Variants in SAMD12 observed in about 807,000 individuals in gnomAD.
SAMD12 encodes the protein sterile alpha motif domain-containing protein 12.
SAMD12 carries 9 observed loss-of-function variants against 15.0 expected under a neutral mutation model. The observed-to-expected ratio is 0.60, with a 90% confidence interval of 0.36 to 1.05. The LOEUF is 1.05. Among genes scored for constraint, SAMD12 ranks in the 50% least tolerant of loss-of-function variants. SAMD12 has a pLI of 0.01. For missense variants in SAMD12, 230 were observed against 234.2 expected (o/e 0.98, Z 0.12); for synonymous variants, 86 against 90.1 (o/e 0.96, Z 0.25).
intron 4 of SAMD12, among the ~76,000 whole-genome samples, chr8:118,205,063 T>C (rs1471688267): frequency 6.6e-6 from 1 of 152,196 alleles, no homozygotes; most frequent in Non-Finnish European, 1.5e-5. Context: ...CCCTCCCTAA[T>C]ACAAGTGGAC....
intron 2 of SAMD12, among the ~76,000 whole-genome samples, chr8:118,575,586 T>G (rs940632383): frequency 6.6e-6 from 1 of 152,192 alleles, no homozygotes; most frequent in African/African-American, 2.4e-5. Flanking sequence ...TTTTACATCC[T>G]TGGGTTTCTC....
At chr8:118,232,134 G>A (rs553121600) in intron 4 of SAMD12, among the ~76,000 whole-genome samples, 3 of 152,116 alleles carry the variant, frequency 2.0e-5, no homozygotes, top group Non-Finnish European at 2.9e-5. Flanking sequence ...TTACCCCACT[G>A]TTCTACATGA....
chr8:118,245,733 G>T (rs1812674525), intron 4 of SAMD12, among the ~76,000 whole-genome samples: 2 of 152,068 alleles, frequency 1.3e-5, no homozygotes, highest in African/African-American at 4.8e-5. Context: ...ATTCTCTTTT[G>T]ATGTTTCCAT....
At chr8:118,152,386 C>T in the SAMD12 span, among the ~76,000 whole-genome samples, 2 of 151,824 alleles carry the variant, frequency 1.3e-5, no homozygotes, top group Non-Finnish European at 2.9e-5. Flanking sequence ...TTCTTTTTCC[C>T]TTTCTTTCTT....
chr8:118,191,596 G>C (rs1819374037), exon 5 of SAMD12: 1 of 151,084 alleles, frequency 6.6e-6, no homozygotes, highest in South Asian at 2.1e-4. Flanking sequence ...AACCTCTGCA[G>C]CAGCTGGTAT....
chr8:118,425,701 A>G (rs968013070), intron 3 of SAMD12, among the ~76,000 whole-genome samples: 4 of 152,216 alleles, frequency 2.6e-5, no homozygotes, highest in Admixed American at 2.0e-4. Flanking sequence ...ACAGGAGACT[A>G]GAGAACAGAA....
At chr8:118,313,897 A>ATG (rs945830380) in intron 4 of SAMD12, among the ~76,000 whole-genome samples, 12 of 151,106 alleles carry the variant, frequency 7.9e-5, no homozygotes, top group South Asian at 6.3e-4. Context: ...GTGTGTGTGT[A>ATG]TGTGTGTGTG....
chr8:118,212,971 A>C (rs1811871167), intron 4 of SAMD12, among the ~76,000 whole-genome samples: 1 of 152,228 alleles, frequency 6.6e-6, no homozygotes, highest in South Asian at 2.1e-4. Flanking sequence ...GATACCTAAC[A>C]AACCTCAAAT....
At chr8:118,327,465 A>G (rs1816619372) in intron 4 of SAMD12, among the ~76,000 whole-genome samples, 1 of 152,204 alleles carries the variant, frequency 6.6e-6, no homozygotes, top group Non-Finnish European at 1.5e-5. Flanking sequence ...GTGTCAATTA[A>G]ACCATTAGTT....
intron 4 of SAMD12, among the ~76,000 whole-genome samples, chr8:118,318,329 T>TATATATATATATATATAC (rs1816042316): frequency 2.0e-4 from 15 of 76,118 alleles, no homozygotes; most frequent in Non-Finnish European, 3.7e-4. Context: ...TATATATATA[T>TATATATATATATATATAC]ATATATATAT....
chr8:118,416,657 C>A (rs947553518), intron 3 of SAMD12, among the ~76,000 whole-genome samples: 1 of 152,188 alleles, frequency 6.6e-6, no homozygotes, highest in Non-Finnish European at 1.5e-5. Flanking sequence ...GTATTACTCA[C>A]GATAACCAGC....
intron 2 of SAMD12, among the ~76,000 whole-genome samples, chr8:118,557,382 C>T (rs111335811): frequency 3.3e-5 from 5 of 152,314 alleles, no homozygotes; most frequent in African/African-American, 1.2e-4. Flanking sequence ...ATATAAATTA[C>T]TCAGTCTTGG....
chr8:118,547,669 T>C (rs1017711213), intron 2 of SAMD12, among the ~76,000 whole-genome samples: 4 of 152,216 alleles, frequency 2.6e-5, no homozygotes, highest in African/African-American at 7.2e-5. Flanking sequence ...GAGAGCATAC[T>C]GAATCACACT....
chr8:118,483,723 C>T (rs1034896984), intron 2 of SAMD12, among the ~76,000 whole-genome samples: 6 of 152,178 alleles, frequency 3.9e-5, no homozygotes, highest in East Asian at 1.9e-4. Context: ...CAGAAATTCA[C>T]GTTTGAGGAT....
In SAMD12 at chr8:118,621,887, CT is replaced by C; in HGVS notation, c.-72del. The C allele has an allele frequency of 6.6e-7, 1 of 1,522,270 alleles. No individual in the cohort carries two copies. Among genetic ancestry groups the C allele is most frequent in the Non-Finnish European group, 9.1e-7 (1 of 1,096,292 alleles). The allele number at this position is 1,522,270 out of a possible 1,614,324, so 94.3% of individuals were successfully genotyped here. A position where few individuals can be genotyped will look rare whatever the true frequency, so the allele number is the denominator to read the frequency against. Reference sequence around the variant, plus strand: ...TACTCCTCCTGCCCCGCGCTCCCCCCTTCCTCTCGCTTTCGCCTAAATATTC... The same window carrying C: ...TACTCCTCCTGCCCCGCGCTCCCCCCTCCTCTCGCTTTCGCCTAAATATTC... On this transcript the variant is annotated 5_prime_UTR_variant, in exon 1 of 4. Transcript: ENST00000314727.
chr8:118,270,641 G>A (rs1813333459), intron 4 of SAMD12, among the ~76,000 whole-genome samples: 2 of 152,144 alleles, frequency 1.3e-5, no homozygotes, highest in African/African-American at 4.8e-5. Flanking sequence ...GGCTTTTTAG[G>A]GGGAGTTGGG....
At chr8:118,285,501 A>G (rs891189220) in intron 4 of SAMD12, among the ~76,000 whole-genome samples, 1 of 152,230 alleles carries the variant, frequency 6.6e-6, no homozygotes, top group Non-Finnish European at 1.5e-5. Context: ...TGGCATCAAC[A>G]GTCTTCCCTA....
chr8:118,585,987 C>T (rs1827428205), intron 1 of SAMD12, among the ~76,000 whole-genome samples: 1 of 152,160 alleles, frequency 6.6e-6, no homozygotes, highest in Non-Finnish European at 1.5e-5. Flanking sequence ...CCACCCACAC[C>T]ACTCTCTGTC....
intron 2 of SAMD12, among the ~76,000 whole-genome samples, chr8:118,545,829 A>G (rs1826108764): frequency 6.6e-6 from 1 of 152,158 alleles, no homozygotes; most frequent in South Asian, 2.1e-4. Flanking sequence ...CTTCCACTAG[A>G]GTCTTGGTTA....
Sources: gnomAD v4.1 joint callset for allele counts (sites outside exome capture counted in the v4.1 genomes callset) on GRCh38, gnomAD v4.1.1 for gene constraint, MANE v1.5 for transcripts, NCBI Gene and HGNC (gene_info 2026-07-23, HGNC 2026-07-21) for gene names.